Variants in CETN3 observed in about 807,000 individuals in gnomAD.
CETN3 encodes the protein centrin-3.
In CETN3, 17 loss-of-function variants were observed where a neutral mutation model predicts 20.1. The observed-to-expected ratio is 0.85, with a 90% CI of 0.58 to 1.27. CETN3 has a LOEUF of 1.27. Ranked by LOEUF, CETN3 falls within the 50% of genes most tolerant of loss-of-function variation. CETN3 has a pLI of 0.00. For synonymous variants in CETN3, 52 were observed against 59.7 expected (o/e 0.87, Z 0.59); for missense variants, 169 against 191.2 (o/e 0.88, Z 0.69).
At chr5:90,395,779 ATT>A in intron 4 of CETN3, 1 of 703,346 alleles carries the variant, frequency 1.4e-6, no homozygotes, top group Non-Finnish European at 1.7e-6. Flanking sequence ...TAGTCTGACA[ATT>A]TTTCTGTTTG....
intron 1 of CETN3, among the ~76,000 whole-genome samples, chr5:90,409,061 C>G (rs1749547757): frequency 6.6e-6 from 1 of 152,026 alleles, no homozygotes; most frequent in Non-Finnish European, 1.5e-5. Context: ...GGTACAACGT[C>G]TACATAGTGG....
At position 90,409,709 on chromosome 5, in the gene CETN3, T is replaced by A; in HGVS notation, c.-48A>T. The A allele has an allele frequency of 1.2e-6, 2 of 1,613,058 alleles. No homozygotes were observed. The highest frequency in any genetic ancestry group is 1.7e-6 in the Non-Finnish European group (2 of 1,179,242). On this transcript the variant is annotated 5_prime_UTR_variant, in exon 1 of 5. Transcript: ENST00000283122. ...CCTCTCAAGAACGATTTTAACCCCC[T>A]ACCCAAGGCAGCAAGACGCCCACAG...
At position 90,393,968 on chromosome 5, in the gene CETN3, A is replaced by C; in HGVS notation, c.*96T>G. 1.2e-6 allele frequency: 1 copy of C among 825,268 alleles called. No individual in the cohort carries two copies. The highest frequency in any genetic ancestry group is 2.0e-6 in the Non-Finnish European group (1 of 497,570). 51.1% of individuals were successfully genotyped at this position (825,268 alleles called of 1,614,324 possible). ...TGCTTATTTTTGGTCCTTTAGGATAAAAGAACTAAGTTGGTTTTTTTCACA... is the reference window on the plus strand; with the variant it reads ...TGCTTATTTTTGGTCCTTTAGGATACAAGAACTAAGTTGGTTTTTTTCACA... On this transcript the variant is annotated 3_prime_UTR_variant, in exon 5 of 5. Coordinates refer to ENST00000283122, the MANE Select transcript of CETN3 (RefSeq NM_004365.4).
chr5:90,407,608 T>G (rs1749485280), intron 2 of CETN3, 91 bp downstream of exon 2: 2 of 962,076 alleles, frequency 2.1e-6, no homozygotes, highest in Middle Eastern at 3.5e-4. Context: ...CCAATTTAGT[T>G]AAAATAATTA....
chr5:90,399,078 G>A, intron 4 of CETN3: 3 of 550,506 alleles, frequency 5.4e-6, no homozygotes, highest in Non-Finnish European at 9.6e-6. Context: ...AACTTAGCAT[G>A]TAGGTTGAGG....
chr5:90,396,366 A>C, intron 4 of CETN3: 1 of 1,362,718 alleles, frequency 7.3e-7, no homozygotes, highest in Non-Finnish European at 9.4e-7. Flanking sequence ...AAATTGATGT[A>C]GTGATCTTTA....
intron 3 of CETN3, among the ~76,000 whole-genome samples, chr5:90,402,727 T>C (rs929544687): frequency 6.6e-6 from 1 of 152,182 alleles, no homozygotes; most frequent in Non-Finnish European, 1.5e-5. Context: ...GGTGTGGTGG[T>C]GTACAAGCAG....
At chr5:90,400,965 C>G (rs1325611076) in intron 3 of CETN3, among the ~76,000 whole-genome samples, 2 of 152,010 alleles carry the variant, frequency 1.3e-5, no homozygotes, top group Non-Finnish European at 2.9e-5. Flanking sequence ...TGAATTTAGT[C>G]CCAACAAAAA....
At chr5:90,395,307 AGATATTATAT>A (rs1031594256) in intron 4 of CETN3, among the ~76,000 whole-genome samples, 7 of 152,206 alleles carry the variant, frequency 4.6e-5, no homozygotes, top group Non-Finnish European at 7.3e-5. Flanking sequence ...GAAATGAGAA[AGATATTATAT>A]GATATTATAA....
chr5:90,404,465 G>T (rs1314636019), intron 3 of CETN3, among the ~76,000 whole-genome samples: 1 of 152,298 alleles, frequency 6.6e-6, no homozygotes, highest in East Asian at 1.9e-4. Flanking sequence ...TCCATTCTGG[G>T]AGAACAAAAG....
chr5:90,395,438 TTTA>T (rs1299974169), intron 4 of CETN3, among the ~76,000 whole-genome samples: 1 of 152,050 alleles, frequency 6.6e-6, no homozygotes, highest in Non-Finnish European at 1.5e-5. Context: ...AAGTTTTTGT[TTTA>T]TTATTAAAAT....
In CETN3 at chr5:90,394,255, T is replaced by C. The variant is rs571696443; in HGVS notation, c.461-148A>G. On this transcript the variant is annotated intron_variant, in intron 4 of 4. Transcript: ENST00000283122. ...GACATGGCTTTTTGCTTTTACTTCT[T>C]TGTTAGGAAGTGGAACATGTTTATT... 1.4e-4 allele frequency: 76 copies of C among 536,018 alleles called. 2 individuals carry two copies. Among genetic ancestry groups the C allele is most frequent in the South Asian group, 1.2e-3 (45 of 37,556 alleles). 33.2% of individuals were successfully genotyped at this position (536,018 alleles called of 1,614,324 possible). A position where few individuals can be genotyped will look rare whatever the true frequency, so the allele number is the denominator to read the frequency against.
At chr5:90,405,541 A>G in intron 3 of CETN3, 144 bp downstream of exon 3, 1 of 578,430 alleles carries the variant, frequency 1.7e-6, no homozygotes, top group East Asian at 3.1e-5. Context: ...AAAAACCAAC[A>G]AAACAAAACT....
At position 90,409,744 on chromosome 5, in the gene CETN3, A is replaced by G; in HGVS notation, c.-83T>C. On this transcript the variant is annotated 5_prime_UTR_variant, in exon 1 of 5. Coordinates refer to ENST00000283122, the MANE Select transcript of CETN3 (RefSeq NM_004365.4). ...AGCAAGACGCCCACAGCCGTTCAACAGACACGAACGACCTCAGCGGCCTCA... is the reference window on the plus strand; with the variant it reads ...AGCAAGACGCCCACAGCCGTTCAACGGACACGAACGACCTCAGCGGCCTCA... 6.5e-7 allele frequency: 1 copy of G among 1,540,756 alleles called. No individual in the cohort carries two copies. Among genetic ancestry groups the G allele is most frequent in the Middle Eastern group, 1.7e-4 (1 of 5,926 alleles).
intron 2 of CETN3, among the ~76,000 whole-genome samples, chr5:90,407,127 A>C (rs191519654): frequency 1.2e-3 from 176 of 152,022 alleles, no homozygotes; most frequent in African/African-American, 4.1e-3. Context: ...TTCTACCCTA[A>C]ACCCAAATCT....
chr5:90,409,621 C>T, intron 1 of CETN3, 24 bp downstream of exon 1: 2 of 1,613,986 alleles, frequency 1.2e-6, no homozygotes, highest in Non-Finnish European at 1.7e-6. Context: ...GTGTGGAGAG[C>T]ACTGCCGCCT....
chr5:90,409,249 G>A (rs1294031698), intron 1 of CETN3, among the ~76,000 whole-genome samples: 3 of 152,130 alleles, frequency 2.0e-5, no homozygotes, highest in Admixed American at 2.0e-4. Context: ...TTTATAGGTG[G>A]GTGATTGCAT....
At chr5:90,398,583 A>G (rs534835654) in intron 4 of CETN3, among the ~76,000 whole-genome samples, 1 of 152,340 alleles carries the variant, frequency 6.6e-6, no homozygotes, top group African/African-American at 2.4e-5. Flanking sequence ...TCAGGATAGC[A>G]TATGTTGACA....
chr5:90,396,630 T>C, intron 4 of CETN3: 1 of 1,098,300 alleles, frequency 9.1e-7, no homozygotes, highest in Non-Finnish European at 1.3e-6. Context: ...TTTAACAGTG[T>C]AATACATCCA....
Sources: gnomAD v4.1 joint callset for allele counts (sites outside exome capture counted in the v4.1 genomes callset) on GRCh38, gnomAD v4.1.1 for gene constraint, MANE v1.5 for transcripts, NCBI Gene and HGNC (gene_info 2026-07-23, HGNC 2026-07-21) for gene names.